The following MAP2 variants were observed in gnomAD, a reference collection of about 807,000 sequenced individuals.
MAP2 encodes microtubule-associated protein 2.
A neutral mutation model predicts 137.6 loss-of-function variants in MAP2; 14 were observed. That is an observed-to-expected ratio of 0.10 (90% CI 0.07 to 0.16). MAP2 has a LOEUF of 0.16. Ranked by LOEUF, MAP2 falls within the 10% of genes least tolerant of loss-of-function variation. The probability of loss-of-function intolerance (pLI) is 1.00; values close to 1 mark genes in which losing one functional copy is unlikely to be tolerated. For missense variants in MAP2, 2,088 were observed against 2,191.5 expected, an observed-to-expected ratio of 0.95 and a Z score of 0.94; for synonymous variants, 786 against 782.3, an observed-to-expected ratio of 1.00 and a Z score of -0.08.
chr2:209,726,715 G>C (rs1169839713), intron 14 of MAP2, among the ~76,000 whole-genome samples: 2 of 152,180 alleles, frequency 1.3e-5, no homozygotes, highest in African/African-American at 4.8e-5. Context: ...AGCAAGCTAT[G>C]ATCACACCAC....
chr2:209,637,581 G>C lies in MAP2; in HGVS notation c.-30+12452G>C, dbSNP rs187554207. Reference sequence around the variant, plus strand: ...AGGAAAAGAAAAGAAAAATGGGAGCGATCAGTCCACAGTGGCCCTTTTAAG... The same window carrying C: ...AGGAAAAGAAAAGAAAAATGGGAGCCATCAGTCCACAGTGGCCCTTTTAAG... On this transcript the variant is annotated intron_variant, in intron 4 of 15. Transcript: ENST00000682079. Among the ~76,000 whole-genome samples, 36 of 152,108 alleles carry C rather than the reference G, an allele frequency of 2.4e-4. 2 individuals carry two copies. In the East Asian group the frequency reaches 4.7e-3, roughly 20 times the overall value.
At chr2:209,616,607 T>A (rs2089489647) in intron 3 of MAP2, among the ~76,000 whole-genome samples, 2 of 152,202 alleles carry the variant, frequency 1.3e-5, no homozygotes, top group Non-Finnish European at 2.9e-5. Flanking sequence ...TTTTTTGCAA[T>A]ACGTCTCTCA....
At chr2:209,636,795 G>A (rs1168438549) in intron 4 of MAP2, among the ~76,000 whole-genome samples, 4 of 151,984 alleles carry the variant, frequency 2.6e-5, no homozygotes, top group Non-Finnish European at 4.4e-5. Flanking sequence ...TTTTCTCATG[G>A]CAGAGCTGAG....
At chr2:209,503,387 T>C (rs2060637556) in intron 1 of MAP2, among the ~76,000 whole-genome samples, 2 of 152,110 alleles carry the variant, frequency 1.3e-5, no homozygotes, top group Admixed American at 1.3e-4. Flanking sequence ...ATTTTGATGA[T>C]TGTTTCCTTT....
intron 2 of MAP2, among the ~76,000 whole-genome samples, chr2:209,565,026 A>G (rs777990874): frequency 2.6e-5 from 4 of 152,098 alleles, no homozygotes; most frequent in African/African-American, 4.8e-5. Flanking sequence ...TCCCACCATC[A>G]TAAATACCGA....
chr2:209,699,542 A>C (rs2061209471), intron 10 of MAP2, among the ~76,000 whole-genome samples: 1 of 152,198 alleles, frequency 6.6e-6, no homozygotes, highest in Non-Finnish European at 1.5e-5. Context: ...ATGGAGTTTA[A>C]AATTGAATCC....
At chr2:209,433,582 T>C (rs974941745) in intron 1 of MAP2, among the ~76,000 whole-genome samples, 1 of 152,134 alleles carries the variant, frequency 6.6e-6, no homozygotes, top group Non-Finnish European at 1.5e-5. Flanking sequence ...TTTTAGAATC[T>C]CATAAAAGCT....
intron 13 of MAP2, among the ~76,000 whole-genome samples, chr2:209,717,382 C>G (rs938027416): frequency 1.3e-5 from 2 of 152,114 alleles, no homozygotes; most frequent in African/African-American, 4.8e-5. Flanking sequence ...GGGAAATCTG[C>G]CCCCATGTTC....
Position 209,694,980 on chromosome 2 carries a change from C to T in MAP2, c.2810C>T (p.Ala937Val), listed in dbSNP as rs1559588558. ...TTCAGTGTTGACAAAGAAGCATCCG[C>T]GCATATCTCTGGTGACAAATCAGGA... ...DEFSVDKEASAHISGDKSGLS... is the reference protein window; with the variant it reads ...DEFSVDKEASVHISGDKSGLS... The change falls in exon 8 of 16, where the codon GCG becomes GTG. Residue 937 changes from alanine (A) to valine (V), a missense_variant. Physicochemically the swap from Ala to Val is moderately conservative, Grantham distance 64 (BLOSUM62 0). Transcript: ENST00000682079. 5.6e-6 allele frequency: 9 copies of T among 1,614,128 alleles called. No individual in the cohort carries two copies. Among genetic ancestry groups the T allele is most frequent in the Non-Finnish European group, 6.8e-6 (8 of 1,180,032 alleles).
At chr2:209,540,148 T>C (rs1474133299) in intron 2 of MAP2, among the ~76,000 whole-genome samples, 4 of 149,210 alleles carry the variant, frequency 2.7e-5, no homozygotes, top group Non-Finnish European at 5.9e-5. Flanking sequence ...AATAGTGGAT[T>C]TGGCCCAGAA....
intron 3 of MAP2, among the ~76,000 whole-genome samples, chr2:209,611,474 A>G: frequency 6.6e-6 from 1 of 151,896 alleles, no homozygotes; most frequent in East Asian, 1.9e-4. Flanking sequence ...GAAAAAATAT[A>G]TATATAATAT....
rs2059294657 is a variant in MAP2, at chr2:209,692,809, G to T, written c.639G>T (p.Met213Ile). Residue 213 changes from methionine to isoleucine, a missense_variant, in exon 8 of 16, where the codon ATG becomes ATT. Transcript: ENST00000682079. Reference sequence around the variant, plus strand: ...AAACTTACCCTGATAAAAAGGACATGCAAGGCACGGAAGAAGAAAAAGCAC... The same window carrying T: ...AAACTTACCCTGATAAAAAGGACATTCAAGGCACGGAAGAAGAAAAAGCAC... Reference protein sequence around the residue: ...TTKTYPDKKDMQGTEEEKAPL... With the variant: ...TTKTYPDKKDIQGTEEEKAPL... 1.9e-6 allele frequency: 3 copies of T among 1,613,354 alleles called. No individual in the cohort carries two copies. The Admixed American group carries it at 5.0e-5, about 27-fold the overall frequency.
intron 4 of MAP2, among the ~76,000 whole-genome samples, chr2:209,649,468 A>C (rs2094634677): frequency 6.6e-6 from 1 of 152,154 alleles, no homozygotes; most frequent in African/African-American, 2.4e-5. Flanking sequence ...TATGACCCCA[A>C]AATTTTGATT....
intron 2 of MAP2, among the ~76,000 whole-genome samples, chr2:209,557,385 T>TTA (rs1326007524): frequency 6.6e-6 from 1 of 152,216 alleles, no homozygotes; most frequent in African/African-American, 2.4e-5. Context: ...TCTTCAAGAA[T>TTA]GGTATGGAGG....
At chr2:209,575,671 C>T (rs1578793106) in intron 2 of MAP2, among the ~76,000 whole-genome samples, 2 of 151,414 alleles carry the variant, frequency 1.3e-5, no homozygotes, top group African/African-American at 4.8e-5. Flanking sequence ...CATTCCAATT[C>T]ATCCACTAGT....
intron 1 of MAP2, among the ~76,000 whole-genome samples, chr2:209,479,965 C>T (rs908537571): frequency 1.3e-5 from 2 of 152,058 alleles, no homozygotes; most frequent in Admixed American, 1.3e-4. Flanking sequence ...TGCTGTTTCC[C>T]ATGTTTTACT....
At chr2:209,589,174 A>AT (rs1308671030) in intron 3 of MAP2, among the ~76,000 whole-genome samples, 2 of 152,184 alleles carry the variant, frequency 1.3e-5, no homozygotes, top group African/African-American at 4.8e-5. Context: ...GACAAAAAAA[A>AT]ATAATCACTT....
chr2:209,696,943 A>C lies in MAP2; in HGVS notation c.4414A>C (p.Lys1472Gln), dbSNP rs752185114. ...AGTTTATAAGAAGGCTGAACTTGCT[A>C]AAAAAACAGAAGTTCAGGCCCACTC... Reference protein sequence around the residue: ...KAVYKKAELAKKTEVQAHSPS... With the variant: ...KAVYKKAELAQKTEVQAHSPS... Residue 1472 changes from lysine to glutamine, a missense_variant, in exon 10 of 16, where the codon AAA becomes CAA. Lys to Gln is a moderately conservative substitution (Grantham distance 53). Transcript: ENST00000682079. 1 of 1,607,760 alleles carries C rather than the reference A, an allele frequency of 6.2e-7. No individual in the cohort carries two copies. Among genetic ancestry groups the C allele is most frequent in the South Asian group, 1.1e-5 (1 of 89,476 alleles).
At chr2:209,689,405 G>A (rs938419840) in intron 7 of MAP2, among the ~76,000 whole-genome samples, 20 of 151,820 alleles carry the variant, frequency 1.3e-4, no homozygotes, top group East Asian at 1.2e-3. Context: ...CCTCAGGGCC[G>A]TTTAAACAAT....
Sources: gnomAD v4.1 joint callset for allele counts (sites outside exome capture counted in the v4.1 genomes callset) on GRCh38, gnomAD v4.1.1 for gene constraint, MANE v1.5 for transcripts, NCBI Gene and HGNC (gene_info 2026-07-23, HGNC 2026-07-21) for gene names.